SARNP: variants seen among roughly 807,000 people sequenced by gnomAD.
The protein encoded by SARNP is SAP domain-containing ribonucleoprotein.
A neutral mutation model predicts 38.1 loss-of-function variants in SARNP; 5 were observed. The observed-to-expected ratio is 0.13, with a 90% CI of 0.07 to 0.28. SARNP has a LOEUF of 0.28. Ranked by LOEUF, SARNP falls within the 10% of genes least tolerant of loss-of-function variation. SARNP has a pLI of 1.00. For synonymous variants in SARNP, 84 were observed against 80.6 expected (o/e 1.04, Z -0.23); for missense variants, 180 against 243.9 (o/e 0.74, Z 1.75).
intron 9 of SARNP, among the ~76,000 whole-genome samples, chr12:55,764,579 G>A (rs1469975193): frequency 6.6e-6 from 1 of 150,916 alleles, no homozygotes; most frequent in Non-Finnish European, 1.5e-5. Context: ...GCTCACACCG[G>A]TAATCCCAGC....
Position 55,810,792 on chromosome 12 carries a change from G to A in SARNP, c.36+6874C>T, listed in dbSNP as rs117385837. The stretch of plus-strand genomic sequence containing the variant: ...ATATTTTATCAGAAATCTTTTTCAC[G>A]TTGGCCAGGCGCGGTGGCTCACGCC... On this transcript the variant is annotated intron_variant, in intron 1 of 10. Transcript: ENST00000336133. 1.3e-3 allele frequency among the ~76,000 whole-genome samples: 200 copies of A among 151,108 alleles called. 7 individuals are homozygous for A. Among genetic ancestry groups the A allele is most frequent in the Admixed American group, 7.6e-3 (115 of 15,160 alleles).
At chr12:55,803,157 TTAGA>T (rs1247009987) in intron 2 of SARNP, among the ~76,000 whole-genome samples, 1 of 151,914 alleles carries the variant, frequency 6.6e-6, no homozygotes, top group Non-Finnish European at 1.5e-5. Context: ...TAAATAAAAA[TTAGA>T]TAGAGGACTT....
At chr12:55,785,846 T>C (rs889412235) in intron 9 of SARNP, among the ~76,000 whole-genome samples, 1 of 151,354 alleles carries the variant, frequency 6.6e-6, no homozygotes, top group Non-Finnish European at 1.5e-5. Context: ...CTATCATGGC[T>C]CACTGCAGCC....
downstream of SARNP, chr12:55,756,686 G>C (rs1412960533): frequency 6.6e-6 from 1 of 152,202 alleles, no homozygotes; most frequent in East Asian, 1.9e-4. Flanking sequence ...GAAGCCTCCA[G>C]TTCCACTGCT....
At chr12:55,803,988 C>T (rs1286079019) in intron 1 of SARNP, among the ~76,000 whole-genome samples, 1 of 152,162 alleles carries the variant, frequency 6.6e-6, no homozygotes, top group Non-Finnish European at 1.5e-5. Context: ...TGTATACCTA[C>T]TAACTGTCAC....
At chr12:55,807,970 T>C (rs1337056612) in intron 1 of SARNP, among the ~76,000 whole-genome samples, 2 of 152,206 alleles carry the variant, frequency 1.3e-5, no homozygotes, top group African/African-American at 4.8e-5. Context: ...GTAGAATAGT[T>C]AGAAAATTCT....
chr12:55,787,662 C>T (rs1394833655), intron 9 of SARNP, among the ~76,000 whole-genome samples: 3 of 152,172 alleles, frequency 2.0e-5, no homozygotes, highest in Non-Finnish European at 4.4e-5. Flanking sequence ...GTCTCAACTC[C>T]TGACCTCAGG....
At chr12:55,786,435 G>GGTTT (rs146930644) in intron 9 of SARNP, among the ~76,000 whole-genome samples, 15,397 of 150,812 alleles carry the variant, frequency 0.1, 1,537 homozygotes, top group African/African-American at 0.26. Context: ...AGTGAGCTTT[G>GGTTT]GTTTGTTTGT....
At chr12:55,774,575 C>CAAAAAAAAAAAAA in intron 9 of SARNP, among the ~76,000 whole-genome samples, 1 of 41,206 alleles carries the variant, frequency 2.4e-5, no homozygotes. Flanking sequence ...AAAAAAAAAA[C>CAAAAAAAAAAAAA]AAACAAAAAA....
chr12:55,769,905 T>G (rs548168955), intron 9 of SARNP, among the ~76,000 whole-genome samples: 1 of 152,204 alleles, frequency 6.6e-6, no homozygotes, highest in Non-Finnish European at 1.5e-5. Context: ...AGGTTAGGTG[T>G]ATTAAATGCA....
intron 9 of SARNP, among the ~76,000 whole-genome samples, chr12:55,768,773 CA>C (rs200057464): frequency 0.04 from 5,934 of 150,068 alleles, 145 homozygotes; most frequent in Middle Eastern, 0.14. Flanking sequence ...GCCCAGGCTG[CA>C]GTGCAATGGC....
chr12:55,794,319 TA>T, intron 7 of SARNP, 39 bp downstream of exon 7: 1 of 1,550,464 alleles, frequency 6.4e-7, no homozygotes, highest in Non-Finnish European at 8.9e-7. Context: ...AAAGAAAGAA[TA>T]AAAAGGTAAC....
At chr12:55,797,595 G>T (rs1377485402) in intron 4 of SARNP, among the ~76,000 whole-genome samples, 1 of 152,156 alleles carries the variant, frequency 6.6e-6, no homozygotes, top group Non-Finnish European at 1.5e-5. Context: ...CCAGTGTAAT[G>T]ACTTCCTCCC....
chr12:55,759,675 A>C (rs895230038), intron 10 of SARNP, among the ~76,000 whole-genome samples: 6 of 152,182 alleles, frequency 3.9e-5, no homozygotes, highest in Non-Finnish European at 4.4e-5. Context: ...TCTCGACCTC[A>C]GGTAATCTGC....
chr12:55,773,313 T>A (rs973201859), intron 9 of SARNP, among the ~76,000 whole-genome samples: 6 of 152,164 alleles, frequency 3.9e-5, no homozygotes, highest in African/African-American at 1.2e-4. Context: ...CAAACAACTT[T>A]TTAAAATTTC....
downstream of SARNP, chr12:55,753,838 T>G (rs1487122026): frequency 1.3e-5 from 2 of 150,658 alleles, no homozygotes; most frequent in Non-Finnish European, 2.9e-5. Context: ...TTCCAGCTAT[T>G]CAGGAGGCTG....
At chr12:55,783,067 G>A (rs368659432) in intron 9 of SARNP, among the ~76,000 whole-genome samples, 7 of 152,006 alleles carry the variant, frequency 4.6e-5, no homozygotes, top group Non-Finnish European at 7.4e-5. Flanking sequence ...CTATCATTGC[G>A]CCACTGTACT....
chr12:55,770,039 G>T (rs1346424017), intron 9 of SARNP, among the ~76,000 whole-genome samples: 1 of 152,152 alleles, frequency 6.6e-6, no homozygotes, highest in Non-Finnish European at 1.5e-5. Context: ...GAAATCCAGA[G>T]ATGAAAAGCA....
chr12:55,764,388 G>A (rs1403730563), intron 9 of SARNP, among the ~76,000 whole-genome samples: 3 of 152,066 alleles, frequency 2.0e-5, no homozygotes, highest in South Asian at 2.1e-4. Flanking sequence ...AAAATTAGCT[G>A]GGCGTGGTGG....
Sources: allele counts gnomAD v4.1 joint callset (sites outside exome capture counted in the v4.1 genomes callset), GRCh38; gene constraint gnomAD v4.1.1; transcripts MANE v1.5; gene names NCBI Gene and HGNC (gene_info 2026-07-23, HGNC 2026-07-21).